ZFYVE26: variants seen among roughly 807,000 people sequenced by gnomAD.
ZFYVE26 encodes the protein zinc finger FYVE-type containing 26.
ZFYVE26 carries 181 observed loss-of-function variants against 276.5 expected under a neutral mutation model. The ratio of observed to expected loss-of-function variants is 0.65; its 90% CI spans 0.58 to 0.74. ZFYVE26 has a LOEUF of 0.74. ZFYVE26 is among the 30% of genes least tolerant of loss of function. ZFYVE26 has a pLI of 0.00. For synonymous variants in ZFYVE26, 1,129 were observed against 1,203.1 expected (o/e 0.94, Z 1.27); for missense variants, 2,821 against 3,097.9 (o/e 0.91, Z 2.12).
intron 26 of ZFYVE26, among the ~76,000 whole-genome samples, chr14:67,775,340 A>G (rs1463736691): frequency 6.6e-6 from 1 of 152,230 alleles, no homozygotes; most frequent in African/African-American, 2.4e-5. Context: ...TGAAATGGAC[A>G]CTAGGATTCT....
downstream of ZFYVE26, among the ~76,000 whole-genome samples, chr14:67,746,351 CATAGGAAATGAG>C (rs1387414609): frequency 6.6e-6 from 1 of 151,964 alleles, no homozygotes; most frequent in East Asian, 1.9e-4. Flanking sequence ...TGTTTAAACA[CATAGGAAATGAG>C]ATAAATCCTA....
Position 67,766,451 on chromosome 14 carries a change from GC to G in ZFYVE26, c.5791-5del. The G allele has an allele frequency of 6.2e-7, 1 of 1,612,034 alleles. No homozygotes were observed. Among genetic ancestry groups the G allele is most frequent in the East Asian group, 2.2e-5 (1 of 44,890 alleles). ...TGCACAAGGAGGCGCTGGGGGCCTG[GC>G]CGGGGTGGAAGAAGGGAGAACACAC... On this transcript the variant is annotated splice_region_variant and splice_polypyrimidine_tract_variant and intron_variant, in intron 31 of 41. Transcript: ENST00000347230.
At chr14:67,749,300 G>A (rs1302192570) in intron 41 of ZFYVE26, among the ~76,000 whole-genome samples, 1 of 152,110 alleles carries the variant, frequency 6.6e-6, no homozygotes, top group Non-Finnish European at 1.5e-5. Context: ...ACACACGATT[G>A]GAAAAAGTCG....
At chr14:67,774,544 C>T (rs11158693) in intron 27 of ZFYVE26, among the ~76,000 whole-genome samples, 92,998 of 151,544 alleles carry the variant, frequency 0.61, 29,488 homozygotes, top group East Asian at 0.92. Context: ...GCGGACAGTG[C>T]GGGGTAGTGC....
At chr14:67,754,445 G>A (rs1184265196) in intron 37 of ZFYVE26, among the ~76,000 whole-genome samples, 1 of 152,242 alleles carries the variant, frequency 6.6e-6, no homozygotes, top group Non-Finnish European at 1.5e-5. Context: ...ATAGGGTCCA[G>A]TCATTGAATC....
intron 13 of ZFYVE26, among the ~76,000 whole-genome samples, chr14:67,739,954 G>A (rs557385934): frequency 1.3e-5 from 2 of 152,124 alleles, no homozygotes; most frequent in South Asian, 4.2e-4. Context: ...TTTATTTCTC[G>A]CTCATGTCAC....
chr14:67,784,511 A>G, intron 19 of ZFYVE26, 75 bp from the exon 20 acceptor site: 3 of 1,319,944 alleles, frequency 2.3e-6, no homozygotes, highest in Non-Finnish European at 3.3e-6. Flanking sequence ...CCCAGAATTG[A>G]GAAAAAAGTA....
At chr14:67,763,525 G>A (rs192431965) in intron 32 of ZFYVE26, among the ~76,000 whole-genome samples, 116 of 152,266 alleles carry the variant, frequency 7.6e-4, no homozygotes, top group Non-Finnish European at 1.2e-3. Context: ...ACAGTAACAC[G>A]TTGTACAGGT....
chr14:67,780,161 G>C, intron 23 of ZFYVE26, 80 bp downstream of exon 23: 1 of 1,276,614 alleles, frequency 7.8e-7, no homozygotes, highest in South Asian at 1.2e-5. Flanking sequence ...TTGATATGCA[G>C]AAAGGGGCTT....
intron 3 of ZFYVE26, among the ~76,000 whole-genome samples, chr14:67,809,760 G>A (rs536314995): frequency 7.2e-6 from 1 of 139,092 alleles, no homozygotes; most frequent in Non-Finnish European, 1.6e-5. Flanking sequence ...TCCTGGATAT[G>A]TTTTCAGTAC....
chr14:67,776,131 G>C (rs1453408174), intron 25 of ZFYVE26, 25 bp from the exon 26 acceptor site: 1 of 1,613,562 alleles, frequency 6.2e-7, no homozygotes, highest in Non-Finnish European at 8.5e-7. Context: ...GATCCATAGA[G>C]TAAAGAAAAT....
rs752742438 is a variant in ZFYVE26 at position 67,762,800 on chromosome 14, C to T, written c.6031G>A (p.Val2011Met). ...LCDSYISKVD[V>M]LNILVAAAYR... is the part of the protein sequence containing the mutation. The stretch of plus-strand genomic sequence containing the variant: ...GCAGCAGCAACTAAAATATTCAGCA[C>T]ATCTACCTTGCTGATGTAGCTACAA... Residue 2011 changes from valine (V) to methionine (M), a missense_variant, in exon 33 of 42, where the codon GTG becomes ATG. Physicochemically the swap from Val to Met is conservative, Grantham distance 21 (BLOSUM62 1). Transcript: ENST00000347230. The T allele has an allele frequency of 2.5e-6, 4 of 1,614,014 alleles. No individual in the cohort carries two copies. The African/African-American group carries it at 5.3e-5, about 22-fold the overall frequency.
At chr14:67,815,721 C>A in intron 2 of ZFYVE26, 49 bp downstream of exon 2, 1 of 1,590,268 alleles carries the variant, frequency 6.3e-7, no homozygotes, top group Non-Finnish European at 8.6e-7. Flanking sequence ...AATATTGAAC[C>A]ACATGTCTCT....
At chr14:67,745,929 CAAAAAAAAAAAAAAAAAAAAAAAAA>C (rs61448179), downstream of ZFYVE26, among the ~76,000 whole-genome samples, 2 of 57,504 alleles carry the variant, frequency 3.5e-5, no homozygotes, top group Non-Finnish European at 6.0e-5. Flanking sequence ...GACCCTGTCT[CAAAAAAAAAAAAAAAAAAAAAAAAA>C]AAAAAAAAAA....
chr14:67,769,937 GA>G (rs2039163537), intron 28 of ZFYVE26: 1 of 651,192 alleles, frequency 1.5e-6, no homozygotes, highest in Admixed American at 2.5e-5. Flanking sequence ...GCAAAGGTGC[GA>G]AGTCATGGAG....
At chr14:67,761,971 T>TA (rs1566868104) in intron 34 of ZFYVE26, 2 of 588,328 alleles carry the variant, frequency 3.4e-6, no homozygotes. Flanking sequence ...ATGTCATTTT[T>TA]ATCTTTTTAA....
intron 6 of ZFYVE26, 61 bp downstream of exon 6, chr14:67,806,484 A>C: frequency 4.4e-6 from 7 of 1,604,730 alleles, no homozygotes; most frequent in Non-Finnish European, 5.1e-6. Flanking sequence ...GAAATGAGGA[A>C]TGAAAAAGTC....
intron 32 of ZFYVE26, among the ~76,000 whole-genome samples, chr14:67,765,949 T>G (rs1566870746): frequency 6.6e-6 from 1 of 152,112 alleles, no homozygotes; most frequent in Non-Finnish European, 1.5e-5. Context: ...ACAAATCAAC[T>G]AATGAAAGTC....
intron 2 of ZFYVE26, chr14:67,815,423 T>C (rs565160591): frequency 1.1e-4 from 36 of 314,008 alleles, no homozygotes; most frequent in Admixed American, 6.4e-4. Flanking sequence ...AACAATATTT[T>C]CAATCTCATA....
Sources: allele counts gnomAD v4.1 joint callset (sites outside exome capture counted in the v4.1 genomes callset), GRCh38; gene constraint gnomAD v4.1.1; transcripts MANE v1.5; gene names NCBI Gene and HGNC (gene_info 2026-07-23, HGNC 2026-07-21).